RTN4: variants seen among roughly 807,000 people sequenced by gnomAD.
The protein encoded by RTN4 is reticulon 4, also known as reticulon-4.
RTN4 carries 32 observed loss-of-function variants against 90.4 expected under a neutral mutation model. That is an observed-to-expected ratio of 0.35 (90% CI 0.27 to 0.48). The LOEUF (loss-of-function observed/expected upper bound fraction) is 0.48. Ranked by LOEUF, RTN4 falls within the 20% of genes least tolerant of loss-of-function variation. RTN4 has a pLI of 0.99. For missense variants in RTN4, 1,706 were observed against 1,430.2 expected (o/e 1.19, Z -3.11); for synonymous variants, 629 against 552.5 (o/e 1.14, Z -1.94).
At chr2:54,983,523 G>T (rs1249419509) in intron 4 of RTN4, among the ~76,000 whole-genome samples, 2 of 152,066 alleles carry the variant, frequency 1.3e-5, no homozygotes, top group Admixed American at 1.3e-4. Flanking sequence ...GTCTCAGGAT[G>T]CCAGTTTCTT....
chr2:55,047,758 A>G (rs1667843427), intron 1 of RTN4, among the ~76,000 whole-genome samples: 1 of 152,174 alleles, frequency 6.6e-6, no homozygotes, highest in South Asian at 2.1e-4. Flanking sequence ...AATGTATCTA[A>G]TATTATGCAT....
At chr2:55,072,159 T>TC (rs1668524967) in intron 2 of RTN4, among the ~76,000 whole-genome samples, 1 of 148,592 alleles carries the variant, frequency 6.7e-6, no homozygotes, top group Admixed American at 6.7e-5. Context: ...ATTTTTTTTT[T>TC]CAAAAAAAAA....
At chr2:55,001,478 C>G (rs1428464278) in intron 3 of RTN4, among the ~76,000 whole-genome samples, 1 of 152,150 alleles carries the variant, frequency 6.6e-6, no homozygotes, top group Non-Finnish European at 1.5e-5. Context: ...AGAAAATTTT[C>G]ATAAATAAGA....
intron 3 of RTN4, among the ~76,000 whole-genome samples, chr2:55,014,857 C>T (rs144630616): frequency 2.6e-5 from 4 of 152,154 alleles, no homozygotes; most frequent in African/African-American, 7.2e-5. Context: ...AATTAATAGT[C>T]ACTAGGCCCT....
At chr2:55,067,402 C>A (rs1406109692) in intron 2 of RTN4, among the ~76,000 whole-genome samples, 3 of 142,342 alleles carry the variant, frequency 2.1e-5, no homozygotes, top group Non-Finnish European at 3.0e-5. Flanking sequence ...TTTGCAGTAA[C>A]CATATTGCAA....
intron 2 of RTN4, 81 bp from the exon 3 acceptor site, chr2:55,027,566 AGT>A (rs1682001022): frequency 1.4e-6 from 2 of 1,411,248 alleles, no homozygotes; most frequent in Non-Finnish European, 1.9e-6. Context: ...GATCCAAAAT[AGT>A]GTTAGTAAAG....
intron 3 of RTN4, among the ~76,000 whole-genome samples, chr2:55,007,241 T>A (rs988527663): frequency 6.6e-6 from 1 of 152,198 alleles, no homozygotes; most frequent in East Asian, 1.9e-4. Context: ...TGCCGCTTCT[T>A]CTTCCTTCCT....
chr2:54,989,858 T>A (rs1277156034), intron 3 of RTN4, among the ~76,000 whole-genome samples: 1 of 152,208 alleles, frequency 6.6e-6, no homozygotes, highest in Non-Finnish European at 1.5e-5. Context: ...ACTGTAAGCA[T>A]CTTTCTGCTA....
In RTN4 at chr2:55,110,896, C is replaced by T. The variant is rs547325698; in HGVS notation, c.-214+1624G>A. 1.1e-4 allele frequency among the ~76,000 whole-genome samples: 17 copies of T among 152,218 alleles called. No homozygotes were observed. The East Asian group carries it at 1.7e-3, about 16-fold the overall frequency. On this transcript the variant is annotated intron_variant, in intron 1 of 3. Coordinates refer to the RTN4 transcript ENST00000427710. The stretch of plus-strand genomic sequence containing the variant: ...TCTCTACTAAAAATACAAAAATTAG[C>T]TGGGCGTGGTGGCACATGCCTGTAA...
At chr2:55,127,598 T>A in the RTN4 span, among the ~76,000 whole-genome samples, 1 of 152,186 alleles carries the variant, frequency 6.6e-6, no homozygotes, top group Non-Finnish European at 1.5e-5. Context: ...ACGTCATCCA[T>A]CCTCATAATA....
chr2:55,133,385 C>T, the RTN4 span, among the ~76,000 whole-genome samples: 6 of 152,172 alleles, frequency 3.9e-5, no homozygotes, highest in Non-Finnish European at 8.8e-5. Flanking sequence ...TGTTCCCTCT[C>T]CCTGCCTTTT....
intron 1 of RTN4, among the ~76,000 whole-genome samples, chr2:55,103,256 T>A (rs1667885915): frequency 6.6e-6 from 1 of 152,054 alleles, no homozygotes; most frequent in Admixed American, 6.6e-5. Context: ...CACTTACATG[T>A]GGAACCTAAA....
intron 1 of RTN4, 142 bp from the exon 2 acceptor site, chr2:55,028,362 T>A: frequency 1.6e-6 from 1 of 609,816 alleles, no homozygotes; most frequent in Non-Finnish European, 2.9e-6. Flanking sequence ...CAAAAGGAAG[T>A]CAGAAAAAGT....
At chr2:55,064,515 T>C (rs1668357204) in intron 2 of RTN4, among the ~76,000 whole-genome samples, 2 of 152,212 alleles carry the variant, frequency 1.3e-5, no homozygotes, top group Non-Finnish European at 2.9e-5. Flanking sequence ...GACACCCAGC[T>C]AATTTTTGTA....
Position 55,023,485 on chromosome 2 carries a change from A to G in RTN4, c.3013+1601T>C, listed in dbSNP as rs551789803. On this transcript the variant is annotated intron_variant, in intron 3 of 8. Transcript: ENST00000337526. ...CAGTCACAAAACCCTAACAGTATCA[A>G]TACCCCATACTTTCCTTTCCACTCA... 2.4e-4 allele frequency among the ~76,000 whole-genome samples: 37 copies of G among 152,252 alleles called. No homozygotes were observed. The South Asian group carries it at 7.7e-3, about 32-fold the overall frequency.
rs973459986 is a variant in RTN4, at chr2:55,020,964, T to G, written c.3013+4122A>C. 2.6e-5 allele frequency among the ~76,000 whole-genome samples: 4 copies of G among 152,096 alleles called. No homozygotes were observed. In the East Asian group the frequency reaches 7.7e-4, roughly 29 times the overall value. On this transcript the variant is annotated intron_variant, in intron 3 of 8. Transcript: ENST00000337526. Reference sequence around the variant, plus strand: ...TGAGCCATAATCTCACCACTGCACTTCAGCCTGGGCGACACAGCAAGAACC... The same window carrying G: ...TGAGCCATAATCTCACCACTGCACTGCAGCCTGGGCGACACAGCAAGAACC...
intron 1 of RTN4, among the ~76,000 whole-genome samples, chr2:55,092,485 C>T (rs564155869): frequency 3.9e-5 from 6 of 152,234 alleles, no homozygotes; most frequent in Admixed American, 6.5e-5. Flanking sequence ...CTGCCCACCT[C>T]GGCCTCCTAA....
At chr2:54,975,511 G>A (rs1296040008) in intron 5 of RTN4, among the ~76,000 whole-genome samples, 4 of 152,272 alleles carry the variant, frequency 2.6e-5, no homozygotes, top group Non-Finnish European at 4.4e-5. Context: ...TCTGTGAAGA[G>A]CCAGACAGTA....
At chr2:55,108,379 T>G (rs1262185629) in intron 1 of RTN4, among the ~76,000 whole-genome samples, 1 of 152,036 alleles carries the variant, frequency 6.6e-6, no homozygotes, top group African/African-American at 2.4e-5. Context: ...GTTACTTGAG[T>G]GCTCATCTCT....
Sources: allele counts gnomAD v4.1 joint callset (sites outside exome capture counted in the v4.1 genomes callset), GRCh38; gene constraint gnomAD v4.1.1; transcripts MANE v1.5; gene names NCBI Gene and HGNC (gene_info 2026-07-23, HGNC 2026-07-21).